TNFRSF21: variants seen among roughly 807,000 people sequenced by gnomAD.
TNFRSF21 encodes the protein tumor necrosis factor receptor superfamily member 21.
A neutral mutation model predicts 45.6 loss-of-function variants in TNFRSF21; 19 were observed. That is an observed-to-expected ratio of 0.42 (90% confidence interval 0.29 to 0.61). The LOEUF is 0.61. Among genes scored for constraint, TNFRSF21 ranks in the 20% least tolerant of loss-of-function variants. The pLI, the probability that TNFRSF21 is intolerant of heterozygous loss-of-function variation, is 0.23. For synonymous variants in TNFRSF21, 314 were observed against 335.5 expected (o/e 0.94, Z 0.70); for missense variants, 737 against 851.5 (o/e 0.87, Z 1.67).
intron 3 of TNFRSF21, among the ~76,000 whole-genome samples, chr6:47,282,210 A>C (rs1349633320): frequency 3.3e-5 from 5 of 151,896 alleles, no homozygotes; most frequent in African/African-American, 9.7e-5. Flanking sequence ...ACATGGAGAA[A>C]CCCCATCTCT....
At chr6:47,300,811 G>C (rs1762856440) in intron 1 of TNFRSF21, among the ~76,000 whole-genome samples, 2 of 152,140 alleles carry the variant, frequency 1.3e-5, no homozygotes, top group South Asian at 4.1e-4. Context: ...CGACGTCCAA[G>C]AAGGAAAGCC....
chr6:47,251,012 A>G (rs1303065028), intron 4 of TNFRSF21, among the ~76,000 whole-genome samples: 1 of 152,218 alleles, frequency 6.6e-6, no homozygotes, highest in East Asian at 1.9e-4. Context: ...ACATAAATGA[A>G]TTTCATGTTT....
chr6:47,303,893 C>T (rs576010526), intron 1 of TNFRSF21, among the ~76,000 whole-genome samples: 1 of 152,394 alleles, frequency 6.6e-6, no homozygotes, highest in East Asian at 1.9e-4. Flanking sequence ...GTTGCTGCTA[C>T]AGCCACAAGG....
At chr6:47,234,236 C>A (rs1374395453) in intron 5 of TNFRSF21, among the ~76,000 whole-genome samples, 1 of 152,160 alleles carries the variant, frequency 6.6e-6, no homozygotes, top group East Asian at 1.9e-4. Context: ...CTCGGCCTTC[C>A]AAAGTGCTCG....
chr6:47,280,169 A>G (rs1384344343), intron 3 of TNFRSF21, among the ~76,000 whole-genome samples: 1 of 152,230 alleles, frequency 6.6e-6, no homozygotes, highest in Non-Finnish European at 1.5e-5. Context: ...GGCTTGTTCT[A>G]CTGAGGGTAG....
chr6:47,234,637 G>A (rs892391185), intron 5 of TNFRSF21, 33 bp downstream of exon 5: 16 of 1,546,170 alleles, frequency 1.0e-5, no homozygotes, highest in African/African-American at 1.4e-5. Flanking sequence ...GGGGGTTTAA[G>A]TGCGTGTGTG....
chr6:47,269,461 T>C (rs1003604280), intron 3 of TNFRSF21, among the ~76,000 whole-genome samples: 3 of 152,244 alleles, frequency 2.0e-5, no homozygotes, highest in African/African-American at 7.2e-5. Context: ...GATTATTTTC[T>C]AGTTTTTCCT....
At chr6:47,274,637 T>C (rs1762470999) in intron 3 of TNFRSF21, among the ~76,000 whole-genome samples, 1 of 151,906 alleles carries the variant, frequency 6.6e-6, no homozygotes, top group Non-Finnish European at 1.5e-5. Context: ...AATTGACAAA[T>C]GGGATCTAAT....
intron 4 of TNFRSF21, among the ~76,000 whole-genome samples, 159 bp from the exon 5 acceptor site, chr6:47,235,057 T>C (rs922736213): frequency 6.6e-6 from 1 of 152,114 alleles, no homozygotes; most frequent in Non-Finnish European, 1.5e-5. Flanking sequence ...GCTAGACACA[T>C]ACACAGACTT....
At chr6:47,285,065 C>T (rs1339838163) in intron 2 of TNFRSF21, among the ~76,000 whole-genome samples, 1 of 152,142 alleles carries the variant, frequency 6.6e-6, no homozygotes, top group African/African-American at 2.4e-5. Flanking sequence ...TCCCAAGAGA[C>T]AGGACTTGGC....
At chr6:47,240,670 G>A (rs915494504) in intron 4 of TNFRSF21, among the ~76,000 whole-genome samples, 2 of 152,170 alleles carry the variant, frequency 1.3e-5, no homozygotes, top group African/African-American at 2.4e-5. Context: ...ACAGGGCATT[G>A]CCCGAGCCCC....
At chr6:47,292,662 T>C (rs951440436) in intron 1 of TNFRSF21, among the ~76,000 whole-genome samples, 1 of 152,212 alleles carries the variant, frequency 6.6e-6, no homozygotes, top group African/African-American at 2.4e-5. Flanking sequence ...TTAATTAGTA[T>C]TTTTTATGAT....
intron 3 of TNFRSF21, among the ~76,000 whole-genome samples, chr6:47,267,092 C>CTT (rs10582640): frequency 6.9e-6 from 1 of 145,230 alleles, no homozygotes; most frequent in Non-Finnish European, 1.5e-5. Context: ...TTTCTTTTTT[C>CTT]TTTTTTTTTT....
chr6:47,239,418 T>C (rs920762139), intron 4 of TNFRSF21, among the ~76,000 whole-genome samples: 11 of 152,110 alleles, frequency 7.2e-5, no homozygotes, highest in African/African-American at 2.2e-4. Flanking sequence ...GGTTGCAGTA[T>C]TCCCCTAGCC....
chr6:47,293,426 G>A lies in TNFRSF21; in HGVS notation c.97-6831C>T, dbSNP rs571046338. ...ACTATGGCTGCTTTCATGCTACAGC[G>A]GCAGAGTTGGATAGTTCCAAAAGAC... is the stretch of plus-strand genomic sequence containing the variant. On this transcript the variant is annotated intron_variant, in intron 1 of 5. Transcript: ENST00000296861. 7.2e-5 allele frequency among the ~76,000 whole-genome samples: 11 copies of A among 152,260 alleles called. No homozygotes were observed. The East Asian group carries it at 1.4e-3, about 19-fold the overall frequency.
At chr6:47,303,422 C>G (rs1430181404) in intron 1 of TNFRSF21, among the ~76,000 whole-genome samples, 1 of 152,206 alleles carries the variant, frequency 6.6e-6, no homozygotes, top group African/African-American at 2.4e-5. Context: ...CTCAGTCCCA[C>G]ACCTGCCTGA....
chr6:47,299,614 CCTT>C (rs1385917134), intron 1 of TNFRSF21, among the ~76,000 whole-genome samples: 1 of 152,104 alleles, frequency 6.6e-6, no homozygotes, highest in East Asian at 1.9e-4. Context: ...TAACATAACT[CCTT>C]CTCAATAGTT....
intron 4 of TNFRSF21, among the ~76,000 whole-genome samples, chr6:47,246,373 G>A (rs1196237592): frequency 6.6e-6 from 1 of 152,094 alleles, no homozygotes; most frequent in Non-Finnish European, 1.5e-5. Flanking sequence ...TGCAGGACTG[G>A]GCATTTACAC....
At chr6:47,252,595 C>T (rs1764914555) in intron 4 of TNFRSF21, among the ~76,000 whole-genome samples, 1 of 152,210 alleles carries the variant, frequency 6.6e-6, no homozygotes, top group East Asian at 1.9e-4. Flanking sequence ...ATAACAGAGG[C>T]AAGGAAAGTT....
Sources: allele counts gnomAD v4.1 joint callset (sites outside exome capture counted in the v4.1 genomes callset), GRCh38; gene constraint gnomAD v4.1.1; transcripts MANE v1.5; gene names NCBI Gene and HGNC (gene_info 2026-07-23, HGNC 2026-07-21).